The following VCF1 variants were observed in gnomAD, a reference collection of about 807,000 sequenced individuals.
The protein encoded by VCF1 is protein VCF1.
chr17:73,208,176 G>T, the VCF1 span: 1,358 of 1,548,308 alleles, frequency 8.8e-4, 3 homozygotes, highest in Non-Finnish European at 1.0e-3. Flanking sequence ...CGACAGCAAA[G>T]TCCTCTGACT....
At chr17:73,217,404 G>A in the VCF1 span, among the ~76,000 whole-genome samples, 1 of 150,140 alleles carries the variant, frequency 6.7e-6, no homozygotes, top group East Asian at 2.0e-4. Flanking sequence ...TGTAATCCCA[G>A]GACTTTGGAG....
At chr17:73,219,273 A>G in the VCF1 span, among the ~76,000 whole-genome samples, 1 of 152,002 alleles carries the variant, frequency 6.6e-6, no homozygotes. Context: ...CAAACATATC[A>G]AGGACTTAAA....
chr17:73,219,106 G>A, the VCF1 span, among the ~76,000 whole-genome samples: 2 of 148,364 alleles, frequency 1.3e-5, no homozygotes, highest in South Asian at 2.2e-4. Flanking sequence ...CAGGCGAATC[G>A]CTTGAACCCG....
At chr17:73,225,816 C>T in the VCF1 span, among the ~76,000 whole-genome samples, 1 of 146,780 alleles carries the variant, frequency 6.8e-6, no homozygotes, top group Non-Finnish European at 1.5e-5. Flanking sequence ...GCTCAATTAC[C>T]TTTCTGATAA....
chr17:73,224,284 A>AC, the VCF1 span, among the ~76,000 whole-genome samples: 8 of 151,108 alleles, frequency 5.3e-5, no homozygotes, highest in Non-Finnish European at 8.9e-5. Context: ...AAAAAAAAAA[A>AC]ACCTTAAAAA....
chr17:73,223,970 C>A, the VCF1 span, among the ~76,000 whole-genome samples: 137,528 of 150,346 alleles, frequency 0.91, 63,546 homozygotes, highest in Non-Finnish European at 0.99. Flanking sequence ...ACAGAGGGAG[C>A]CCCTGCCAGA....
At chr17:73,210,898 A>G in the VCF1 span, among the ~76,000 whole-genome samples, 1 of 151,878 alleles carries the variant, frequency 6.6e-6, no homozygotes, top group Non-Finnish European at 1.5e-5. Context: ...ATGAGCCACC[A>G]TGCCCAGCCT....
At chr17:73,225,899 A>ATATATATATATATATATATTTTTTT in the VCF1 span, among the ~76,000 whole-genome samples, 1 of 114,862 alleles carries the variant, frequency 8.7e-6, no homozygotes, top group African/African-American at 3.8e-5. Flanking sequence ...ATATATATAT[A>ATATATATATATATATATATTTTTTT]TTTTTTTTTT....
chr17:73,227,806 G>T, the VCF1 span: 1 of 263,116 alleles, frequency 3.8e-6, no homozygotes, highest in Non-Finnish European at 5.9e-6. Flanking sequence ...GTTACTATGA[G>T]ATGATAGCAT....
the VCF1 span, among the ~76,000 whole-genome samples, chr17:73,230,316 C>CCAAT: frequency 3.3e-5 from 5 of 152,122 alleles, no homozygotes; most frequent in Non-Finnish European, 1.5e-5. Flanking sequence ...AATCAATCAA[C>CCAAT]CAATCAATCA....
chr17:73,213,237 T>C, the VCF1 span, among the ~76,000 whole-genome samples: 1 of 115,852 alleles, frequency 8.6e-6, no homozygotes, highest in East Asian at 2.6e-4. Flanking sequence ...AGCAAGACTG[T>C]CTCAAAAGAA....
the VCF1 span, among the ~76,000 whole-genome samples, chr17:73,230,008 G>T: frequency 1.3e-5 from 2 of 151,670 alleles, no homozygotes; most frequent in Non-Finnish European, 2.9e-5. Flanking sequence ...TTAAAGTAGG[G>T]ACTCCCAGTC....
the VCF1 span, chr17:73,212,861 C>CT: frequency 8.5e-6 from 5 of 591,172 alleles, no homozygotes; most frequent in South Asian, 1.4e-4. Context: ...GGCAAAAGTT[C>CT]TTTAAACAGA....
the VCF1 span, among the ~76,000 whole-genome samples, chr17:73,213,048 T>A: frequency 5.3e-5 from 8 of 151,980 alleles, no homozygotes; most frequent in Non-Finnish European, 1.0e-4. Context: ...GATCGAGACC[T>A]TCCTGGCCAA....
At chr17:73,232,297 GCCC>G in the VCF1 span, 1 of 1,584,980 alleles carries the variant, frequency 6.3e-7, no homozygotes, top group Non-Finnish European at 8.6e-7. Flanking sequence ...TCTGCTCCGC[GCCC>G]CCCCATGTCG....
At chr17:73,207,822 T>C in the VCF1 span, 1 of 1,281,790 alleles carries the variant, frequency 7.8e-7, no homozygotes, top group South Asian at 1.3e-5. Context: ...GTTTGCTTTA[T>C]TGTTAGACAC....
the VCF1 span, chr17:73,208,320 C>G: frequency 2.5e-6 from 4 of 1,613,502 alleles, no homozygotes; most frequent in Non-Finnish European, 3.4e-6. Context: ...GCAGGTTGTC[C>G]CCCCGGCACG....
the VCF1 span, chr17:73,229,540 G>A: frequency 1.0e-6 from 1 of 985,172 alleles, no homozygotes; most frequent in African/African-American, 1.7e-5. Flanking sequence ...CAACCTTCCT[G>A]TCATCTCCTA....
chr17:73,226,620 A>G, the VCF1 span, among the ~76,000 whole-genome samples: 1 of 152,060 alleles, frequency 6.6e-6, no homozygotes, highest in Non-Finnish European at 1.5e-5. Context: ...GTACTGAAGC[A>G]CTCTTTCATG....
Sources: gnomAD v4.1 joint callset for allele counts (sites outside exome capture counted in the v4.1 genomes callset) on GRCh38, gnomAD v4.1.1 for gene constraint, MANE v1.5 for transcripts, NCBI Gene and HGNC (gene_info 2026-07-23, HGNC 2026-07-21) for gene names.